Variants in SLC44A1 observed in about 807,000 individuals in gnomAD.
The protein encoded by SLC44A1 is choline transporter-like protein 1.
SLC44A1 carries 26 observed loss-of-function variants against 79.3 expected under a neutral mutation model. That is an observed-to-expected ratio of 0.33 (90% CI 0.24 to 0.46). SLC44A1 has a LOEUF of 0.46. Among genes scored for constraint, SLC44A1 ranks in the 20% least tolerant of loss-of-function variants. The pLI, the probability that SLC44A1 is intolerant of heterozygous loss-of-function variation, is 1.00. For synonymous variants in SLC44A1, 263 were observed against 286.2 expected (o/e 0.92, Z 0.82); for missense variants, 688 against 798.1 (o/e 0.86, Z 1.66).
intron 1 of SLC44A1, among the ~76,000 whole-genome samples, chr9:105,255,715 A>C (rs1201372229): frequency 6.6e-6 from 1 of 152,194 alleles, no homozygotes; most frequent in Non-Finnish European, 1.5e-5. Context: ...ATCATTGTGT[A>C]CTGGCAGGAG....
At position 105,304,972 on chromosome 9, in the gene SLC44A1, T is replaced by G. The variant is rs1305084817; in HGVS notation, c.127-4752T>G. ...TTTTTTTTTTTTTTTTTTTTTTTTT[T>G]TTTTTTTTTTTTTTCAGAGTCAAGG... On this transcript the variant is annotated intron_variant, in intron 2 of 15. Transcript: ENST00000374720. 7.9e-4 allele frequency among the ~76,000 whole-genome samples: 94 copies of G among 118,940 alleles called. 3 individuals carry two copies. Among genetic ancestry groups the G allele is most frequent in the Non-Finnish European group, 5.2e-4 (30 of 57,494 alleles). 78.0% of individuals were successfully genotyped at this position (118,940 alleles called of 152,430 possible).
intron 12 of SLC44A1, among the ~76,000 whole-genome samples, chr9:105,367,118 C>T (rs2131423184): frequency 6.6e-6 from 1 of 152,048 alleles, no homozygotes; most frequent in South Asian, 2.1e-4. Flanking sequence ...CTCTGTGGGG[C>T]ACTCCTTCCT....
intron 15 of SLC44A1, among the ~76,000 whole-genome samples, chr9:105,427,751 G>A (rs1037185256): frequency 6.6e-6 from 1 of 152,132 alleles, no homozygotes; most frequent in East Asian, 1.9e-4. Context: ...GATACATATT[G>A]CCAAATTGCT....
intron 2 of SLC44A1, among the ~76,000 whole-genome samples, chr9:105,307,658 A>C (rs2131304941): frequency 6.6e-6 from 1 of 152,012 alleles, no homozygotes; most frequent in South Asian, 2.1e-4. Flanking sequence ...AAAAAAAAAA[A>C]AATGTGTTGG....
chr9:105,349,253 G>C (rs1209886998), intron 5 of SLC44A1, among the ~76,000 whole-genome samples: 1 of 152,154 alleles, frequency 6.6e-6, no homozygotes, highest in Non-Finnish European at 1.5e-5. Context: ...TGCCAACTGT[G>C]TGTAACATGA....
rs1005876754 is a variant in SLC44A1 at position 105,396,941 on chromosome 9, A to G, written c.*7885A>G. 13 of 985,142 alleles carry G rather than the reference A, an allele frequency of 1.3e-5. No homozygotes were observed. The Admixed American group carries it at 1.8e-4, about 14-fold the overall frequency. 61.0% of individuals were successfully genotyped at this position (985,142 alleles called of 1,614,324 possible). On this transcript the variant is annotated 3_prime_UTR_variant, in exon 16 of 16. Coordinates refer to ENST00000374720, the MANE Select transcript of SLC44A1 (RefSeq NM_080546.5). ...GGAACAAACATGTAGGTGCTTGAAC[A>G]TGCCCCACAGACACAGTTGTAGCCC... is the stretch of plus-strand genomic sequence containing the variant.
chr9:105,365,034 A>G (rs1274173753), intron 10 of SLC44A1, among the ~76,000 whole-genome samples: 3 of 152,228 alleles, frequency 2.0e-5, no homozygotes, highest in Non-Finnish European at 2.9e-5. Flanking sequence ...AAAGTCCATC[A>G]AAGGACAACA....
chr9:105,316,474 G>T (rs1003960846), intron 3 of SLC44A1, among the ~76,000 whole-genome samples: 16 of 152,272 alleles, frequency 1.1e-4, no homozygotes, highest in Non-Finnish European at 2.2e-4. Flanking sequence ...AGAATGACAT[G>T]AAAATGTCAA....
chr9:105,306,756 C>T (rs1380282165), intron 2 of SLC44A1, among the ~76,000 whole-genome samples: 1 of 151,862 alleles, frequency 6.6e-6, no homozygotes, highest in Non-Finnish European at 1.5e-5. Context: ...TCCAACAGTA[C>T]AGTTAAGAAT....
chr9:105,437,470 C>CT (rs1469247194), intron 15 of SLC44A1, among the ~76,000 whole-genome samples: 1 of 151,146 alleles, frequency 6.6e-6, no homozygotes, highest in African/African-American at 2.4e-5. Context: ...GGTCCATACT[C>CT]TCTCTCTCTC....
intron 1 of SLC44A1, among the ~76,000 whole-genome samples, chr9:105,271,571 TTATCTC>T (rs1306301339): frequency 1.3e-5 from 2 of 152,146 alleles, no homozygotes; most frequent in Non-Finnish European, 2.9e-5. Flanking sequence ...GAGTGTGTGT[TTATCTC>T]TAGTGTGAAG....
intron 1 of SLC44A1, among the ~76,000 whole-genome samples, chr9:105,288,332 T>C (rs1291558624): frequency 6.6e-6 from 1 of 152,172 alleles, no homozygotes; most frequent in East Asian, 1.9e-4. Flanking sequence ...GTGGAGCTAT[T>C]TTAATGTTTT....
intron 5 of SLC44A1, among the ~76,000 whole-genome samples, chr9:105,351,628 GAAAGAGAAAGAA>G (rs1827437003): frequency 9.1e-5 from 4 of 43,974 alleles, no homozygotes; most frequent in Non-Finnish European, 1.5e-4. Context: ...GAAAGAGAGA[GAAAGAGAAAGAA>G]AGAAAGAAAG....
intron 15 of SLC44A1, among the ~76,000 whole-genome samples, chr9:105,418,285 G>A (rs1829199352): frequency 7.3e-6 from 1 of 136,646 alleles, no homozygotes; most frequent in Non-Finnish European, 1.5e-5. Context: ...TTGCACTCCA[G>A]CCTGGGCAAC....
In SLC44A1 at chr9:105,394,543, G is replaced by C; in HGVS notation, c.*5487G>C. ...AAAAATATCCAAGAAGAAATAAATA[G>C]GGAATCCTTGTAATTAATCCATCTA... is the stretch of plus-strand genomic sequence containing the variant. On this transcript the variant is annotated 3_prime_UTR_variant, in exon 16 of 16. Transcript: ENST00000374720. 3.0e-6 allele frequency: 3 copies of C among 984,764 alleles called. No individual in the cohort carries two copies. The highest frequency in any genetic ancestry group is 3.6e-6 in the Non-Finnish European group (3 of 829,788). The allele number at this position is 984,764 out of a possible 1,614,324, so 61.0% of individuals were successfully genotyped here.
intron 1 of SLC44A1, among the ~76,000 whole-genome samples, chr9:105,250,469 A>G (rs1443014479): frequency 3.9e-5 from 6 of 152,232 alleles, no homozygotes; most frequent in Non-Finnish European, 7.4e-5. Context: ...TTGTTTTTCT[A>G]TGCTCCCCTT....
At chr9:105,245,131 G>T (rs1829401520) in intron 1 of SLC44A1, among the ~76,000 whole-genome samples, 1 of 152,022 alleles carries the variant, frequency 6.6e-6, no homozygotes, top group Admixed American at 6.5e-5. Flanking sequence ...CGCCTAGTGC[G>T]CCCTCAGCTC....
intron 15 of SLC44A1, among the ~76,000 whole-genome samples, chr9:105,414,161 C>A (rs762461075): frequency 6.6e-6 from 1 of 151,484 alleles, no homozygotes; most frequent in South Asian, 2.1e-4. Flanking sequence ...CTCCCGGGTT[C>A]GAGCAATTTT....
At chr9:105,383,828 G>T (rs113790054) in intron 14 of SLC44A1, among the ~76,000 whole-genome samples, 17 of 152,292 alleles carry the variant, frequency 1.1e-4, no homozygotes, top group African/African-American at 3.8e-4. Flanking sequence ...AAAGCATTTT[G>T]TGATGAATAC....
Sources: allele counts gnomAD v4.1 joint callset (sites outside exome capture counted in the v4.1 genomes callset), GRCh38; gene constraint gnomAD v4.1.1; transcripts MANE v1.5; gene names NCBI Gene and HGNC (gene_info 2026-07-23, HGNC 2026-07-21).